HGF: variants seen among roughly 807,000 people sequenced by gnomAD.
The protein encoded by HGF is hepatocyte growth factor, also known as fibroblast-derived tumor cytotoxic factor.
HGF carries 39 observed loss-of-function variants against 111.6 expected under a neutral mutation model. That is an observed-to-expected ratio of 0.35 (90% CI 0.27 to 0.46). The LOEUF (loss-of-function observed/expected upper bound fraction) is 0.46, where lower values mean the gene tolerates loss of function less well. Among genes scored for constraint, HGF ranks in the 20% least tolerant of loss-of-function variants. HGF has a pLI of 1.00. For missense variants in HGF, 735 were observed against 910.5 expected, an observed-to-expected ratio of 0.81 and a Z score of 2.48; for synonymous variants, 285 against 294.8, an observed-to-expected ratio of 0.97 and a Z score of 0.34.
At chr7:81,720,302 C>A (rs1789819445) in intron 10 of HGF, among the ~76,000 whole-genome samples, 1 of 152,044 alleles carries the variant, frequency 6.6e-6, no homozygotes, top group South Asian at 2.1e-4. Flanking sequence ...AGTGATTATT[C>A]ATTGATTTTT....
intron 10 of HGF, among the ~76,000 whole-genome samples, chr7:81,717,910 C>A (rs1180992671): frequency 1.3e-5 from 2 of 151,754 alleles, no homozygotes; most frequent in Non-Finnish European, 2.9e-5. Flanking sequence ...GACAGATAAC[C>A]GAGCAATACT....
At chr7:81,764,718 T>A (rs752414294) in intron 1 of HGF, among the ~76,000 whole-genome samples, 4 of 152,070 alleles carry the variant, frequency 2.6e-5, no homozygotes, top group Admixed American at 6.6e-5. Context: ...TGAAATTTTA[T>A]CCTTTAATCT....
At chr7:81,750,581 G>C (rs943939628) in intron 5 of HGF, among the ~76,000 whole-genome samples, 15 of 152,196 alleles carry the variant, frequency 9.9e-5, no homozygotes, top group African/African-American at 3.6e-4. Context: ...AATCTATGTC[G>C]CCTAGCAGTC....
chr7:81,764,060 A>C (rs1375901041), intron 1 of HGF, among the ~76,000 whole-genome samples: 1 of 152,136 alleles, frequency 6.6e-6, no homozygotes, highest in Non-Finnish European at 1.5e-5. Flanking sequence ...AGAAATGTGG[A>C]TAGTAGAGCA....
intron 1 of HGF, among the ~76,000 whole-genome samples, chr7:81,769,530 C>G (rs1789527078): frequency 6.6e-6 from 1 of 152,142 alleles, no homozygotes; most frequent in Non-Finnish European, 1.5e-5. Context: ...CTTGCCTCTT[C>G]AGACCAGACC....
rs935083006 is a variant in HGF at position 81,767,234 on chromosome 7, AT to A, written c.88+2649del. On this transcript the variant is annotated intron_variant, in intron 1 of 17. Coordinates refer to ENST00000222390, the MANE Select transcript of HGF (RefSeq NM_000601.6). ...TGAAAATATATCACTTGGCCAAATG[AT>A]TTTTTTTAAGTAAATTTCAGTTGAT... is the stretch of plus-strand genomic sequence containing the variant. Among the ~76,000 whole-genome samples the A allele has an allele frequency of 3.4e-4, 52 of 151,686 alleles. 1 individual carries two copies. Among genetic ancestry groups the A allele is most frequent in the Admixed American group, 2.4e-3 (36 of 15,212 alleles).
chr7:81,730,951 A>T (rs1272545750), intron 7 of HGF, among the ~76,000 whole-genome samples: 1 of 152,204 alleles, frequency 6.6e-6, no homozygotes, highest in Non-Finnish European at 1.5e-5. Context: ...AGGACAGGCC[A>T]GAATTAGACA....
In HGF at chr7:81,745,005, A is replaced by G. The variant is rs772926410; in HGVS notation, c.741T>C (p.Pro247=). 2 of 1,613,872 alleles carry G rather than the reference A, an allele frequency of 1.2e-6. No homozygotes were observed. Among genetic ancestry groups the G allele is most frequent in the Admixed American group, 1.7e-5 (1 of 60,004 alleles). Residue 247 remains proline, a synonymous_variant, in exon 6 of 18, where the codon CCT becomes CCC. Transcript: ENST00000222390. ...HQTPHRHKFL[P]ERYPDKGFDD... ...ATGATTCATTAATATTTTACCTTTC[A>G]GGCAAGAATTTGTGCCGGTGTGGTG...
intron 2 of HGF, among the ~76,000 whole-genome samples, chr7:81,760,075 T>C (rs1306219709): frequency 6.6e-6 from 1 of 152,200 alleles, no homozygotes; most frequent in Non-Finnish European, 1.5e-5. Flanking sequence ...GAAAAGTGTT[T>C]CTTATATTAT....
At chr7:81,717,424 A>G in intron 10 of HGF, 59 bp from the exon 11 acceptor site, 1 of 1,464,492 alleles carries the variant, frequency 6.8e-7, no homozygotes, top group Non-Finnish European at 9.6e-7. Context: ...AGAGACACAA[A>G]ATATTACAAA....
chr7:81,743,564 T>C (rs1285673097), intron 6 of HGF, 93 bp from the exon 7 acceptor site: 12 of 842,274 alleles, frequency 1.4e-5, no homozygotes, highest in Non-Finnish European at 2.3e-5. Context: ...TTAGGTTGTC[T>C]ACACCTAGCT....
chr7:81,722,128 T>C (rs186435111), intron 9 of HGF, among the ~76,000 whole-genome samples: 2 of 152,264 alleles, frequency 1.3e-5, no homozygotes, highest in East Asian at 1.9e-4. Context: ...TAATATGATA[T>C]ATAATCTATT....
At chr7:81,731,672 TG>T (rs1390569182) in intron 7 of HGF, among the ~76,000 whole-genome samples, 1 of 152,172 alleles carries the variant, frequency 6.6e-6, no homozygotes, top group Non-Finnish European at 1.5e-5. Flanking sequence ...TTGAATTAAC[TG>T]TTAAATGATA....
chr7:81,748,136 T>A (rs1364933916), intron 5 of HGF, among the ~76,000 whole-genome samples: 2 of 152,126 alleles, frequency 1.3e-5, no homozygotes, highest in Non-Finnish European at 1.5e-5. Context: ...CCAAACTGCC[T>A]TTTTGTTTTA....
rs1257723808 is a variant in HGF at position 81,701,023 on chromosome 7, T to TAA, written c.*1557_*1558insTT. On this transcript the variant is annotated 3_prime_UTR_variant, in exon 18 of 18. Coordinates refer to ENST00000222390, the MANE Select transcript of HGF (RefSeq NM_000601.6). Reference sequence around the variant, plus strand: ...CCATTCAAAAAATTATTTTTAAAGGTGTTTTGTACAGGAAGATTTCTGCAA... The same window carrying TAA: ...CCATTCAAAAAATTATTTTTAAAGGTAAGTTTTGTACAGGAAGATTTCTGCAA... 6.6e-6 allele frequency: 1 copy of TAA among 151,644 alleles called. No homozygotes were observed. Among genetic ancestry groups the TAA allele is most frequent in the Non-Finnish European group, 1.5e-5 (1 of 67,704 alleles). The allele number at this position is 151,644 out of a possible 1,614,324, so 9.4% of individuals were successfully genotyped here.
At chr7:81,725,666 T>G (rs1251637168) in intron 9 of HGF, among the ~76,000 whole-genome samples, 1 of 152,176 alleles carries the variant, frequency 6.6e-6, no homozygotes, top group Admixed American at 6.5e-5. Context: ...CTGGTATATC[T>G]CCAAGGCTTA....
intron 7 of HGF, among the ~76,000 whole-genome samples, chr7:81,735,484 A>G (rs1377863146): frequency 1.3e-5 from 2 of 152,028 alleles, no homozygotes; most frequent in African/African-American, 2.4e-5. Flanking sequence ...AATTAGGAAA[A>G]CTCAAAGAAA....
At chr7:81,726,211 C>T (rs1384304438) in intron 8 of HGF, among the ~76,000 whole-genome samples, 194 bp from the exon 9 acceptor site, 4 of 152,110 alleles carry the variant, frequency 2.6e-5, no homozygotes, top group Admixed American at 6.6e-5. Flanking sequence ...GAAATAAATG[C>T]TGTCATATGT....
chr7:81,745,806 A>G (rs928039360), intron 5 of HGF, among the ~76,000 whole-genome samples: 7 of 152,208 alleles, frequency 4.6e-5, no homozygotes, highest in African/African-American at 1.7e-4. Context: ...GTATAAGCTA[A>G]TGTAATTAGG....
Sources: allele counts gnomAD v4.1 joint callset (sites outside exome capture counted in the v4.1 genomes callset), GRCh38; gene constraint gnomAD v4.1.1; transcripts MANE v1.5; gene names NCBI Gene and HGNC (gene_info 2026-07-23, HGNC 2026-07-21).